IL2RG: variants seen among roughly 807,000 people sequenced by gnomAD.
IL2RG encodes the protein interleukin 2 receptor subunit gamma, also known as cytokine receptor common subunit gamma.
For missense variants in IL2RG, 205 were observed against 272.9 expected, an observed-to-expected ratio of 0.75 and a Z score of 1.75; for synonymous variants, 111 against 108.5, an observed-to-expected ratio of 1.02 and a Z score of -0.15.
Position 71,111,426 on chromosome X carries a change from A to G in IL2RG, c.114T>C (p.Ala38=), listed in dbSNP as rs767310938. The G allele has an allele frequency of 8.3e-7, 1 of 1,210,917 alleles. No homozygotes were observed. Among genetic ancestry groups the G allele is most frequent in the South Asian group, 1.8e-5 (1 of 56,947 alleles). The change falls in exon 1 of 8, where the codon GCT becomes GCC. Residue 38 remains alanine (A), a splice_region_variant and synonymous_variant. Transcript: ENST00000374202. ...LTPNGNEDTT[A]DFFLTTMPTD... ...CCCCTCCAGTCCCAGATTTCCCACCAGCTGTGGTGTCTTCATTCCCATTGG... is the reference window on the plus strand; with the variant it reads ...CCCCTCCAGTCCCAGATTTCCCACCGGCTGTGGTGTCTTCATTCCCATTGG...
At position 71,107,995 on chromosome X, in the gene IL2RG, G is replaced by A. The variant is rs1304742764; in HGVS notation, c.925-74C>T. The A allele has an allele frequency of 1.9e-5, 16 of 851,247 alleles. No homozygotes were observed. In the East Asian group the frequency reaches 3.2e-4, roughly 17 times the overall value. The allele number at this position is 851,247 out of a possible 1,213,427, so 70.2% of individuals were successfully genotyped here. A position where few individuals can be genotyped will look rare whatever the true frequency, so the allele number is the denominator to read the frequency against. ...AAAGACCGAGCTCTGTGCCAAAGGA[G>A]TACTCATGATGTCTGCAACCACTGT... On this transcript the variant is annotated intron_variant, in intron 7 of 7. Transcript: ENST00000374202.
rs141707292 is a variant in IL2RG, at chrX:71,110,236, G to T, written c.514C>A (p.Leu172Met). 1.3e-5 allele frequency: 16 copies of T among 1,207,263 alleles called. No individual in the cohort carries two copies. The highest frequency in any genetic ancestry group is 1.7e-5 in the Non-Finnish European group (15 of 892,841). The change falls in exon 4 of 8, where the codon CTG (leucine) becomes ATG (methionine). Residue 172 changes from leucine (L) to methionine (M), a missense_variant. Physicochemically the swap from Leu to Met is conservative, Grantham distance 15 (BLOSUM62 2). Transcript: ENST00000374202. ...TTCAAGAATCTGTTGTTCCAGTTCA[G>T]TTCTAGCTGGGATTCACTCAGTTTG... ...LHKLSESQLE[L>M]NWNNRFLNHC... is the part of the protein sequence containing the mutation.
rs1373609177 is a variant in IL2RG at position 71,110,625 on chromosome X, G to C, written c.333C>G (p.Ile111Met). 20 of 1,208,457 alleles carry C rather than the reference G, an allele frequency of 1.7e-5. No homozygotes were observed. The highest frequency in any genetic ancestry group is 2.2e-5 in the Non-Finnish European group (20 of 892,569). The change falls in exon 3 of 8, where the codon ATC (isoleucine) becomes ATG (methionine). Residue 111 changes from isoleucine to methionine, a missense_variant. By Grantham distance (10) the Ile-to-Met change is conservative (BLOSUM62 1). Coordinates refer to ENST00000374202, the MANE Select transcript of IL2RG (RefSeq NM_000206.3). ...KCSHYLFSEEITSGCQLQKKE... is the reference protein window; with the variant it reads ...KCSHYLFSEEMTSGCQLQKKE... ...TTTTTTGCAACTGACAGCCAGAAGT[G>C]ATTTCTTCAGAGAATAGATAGTGGC...
rs2092258005 is a variant in IL2RG, at chrX:71,109,260, T to C, written c.725A>G (p.His242Arg). 1 of 1,209,363 alleles carries C rather than the reference T, an allele frequency of 8.3e-7. No individual in the cohort carries two copies. Among genetic ancestry groups the C allele is most frequent in the African/African-American group, 1.8e-5 (1 of 57,053 alleles). The change falls in exon 5 of 8, where the codon CAC (histidine) becomes CGC (arginine). Residue 242 changes from histidine (H) to arginine (R), a missense_variant. By Grantham distance (29) the His-to-Arg change is conservative. Coordinates refer to ENST00000374202, the MANE Select transcript of IL2RG (RefSeq NM_000206.3). Reference sequence around the variant, plus strand: ...AGTATTGCTCCCCCAGTGGATTGGGTGGCTCCATTCACTCCAATGCTGAGC... The same window carrying C: ...AGTATTGCTCCCCCAGTGGATTGGGCGGCTCCATTCACTCCAATGCTGAGC... ...GSAQHWSEWS[H>R]PIHWGSNTSK...
chrX:71,107,636 G>A lies in IL2RG; in HGVS notation c.*100C>T, dbSNP rs900448763. On this transcript the variant is annotated 3_prime_UTR_variant, in exon 8 of 8. Coordinates refer to ENST00000374202, the MANE Select transcript of IL2RG (RefSeq NM_000206.3). ...CACAAAATTCCAAATCAGCCACAGT[G>A]GGGTGAGGTGAGTATGAGACGCAGG... 1.6e-5 allele frequency: 9 copies of A among 578,416 alleles called. No homozygotes were observed. The African/African-American group carries it at 2.1e-4, about 14-fold the overall frequency. The allele number at this position is 578,416 out of a possible 1,213,427, so 47.7% of individuals were successfully genotyped here.
chrX:71,108,058 C>T, intron 7 of IL2RG, 137 bp from the exon 8 acceptor site: 1 of 551,851 alleles, frequency 1.8e-6, no homozygotes. Context: ...TCCTGGGCCC[C>T]CAATACCAGT....
At chrX:71,109,709 C>T (rs756675900) in intron 4 of IL2RG, among the ~76,000 whole-genome samples, 72 of 110,698 alleles carry the variant, frequency 6.5e-4, no homozygotes, top group Non-Finnish European at 1.2e-3. Context: ...CCGAGGTGGG[C>T]AGATCACCTG....
rs756100347 is a variant in IL2RG, at chrX:71,110,965, G to A, written c.201C>T (p.Val67=). Residue 67 remains valine, a synonymous_variant, in exon 2 of 8, where the codon GTC becomes GTT. Coordinates refer to ENST00000374202, the MANE Select transcript of IL2RG (RefSeq NM_000206.3). ...LPEVQCFVFN[V]EYMNCTWNSS... is the part of the protein sequence containing the mutation. ...TGTTCCAAGTGCAATTCATGTACTC[G>A]ACATTGAACACAAAACACTGAACCT... is the stretch of plus-strand genomic sequence containing the variant. 32 of 1,206,102 alleles carry A rather than the reference G, an allele frequency of 2.7e-5. No homozygotes were observed. The highest frequency in any genetic ancestry group is 2.3e-4 in the Middle Eastern group (1 of 4,366).
chrX:71,107,650 A>G lies in IL2RG; in HGVS notation c.*86T>C, dbSNP rs759837290. ...TCAGCCACAGTGGGGTGAGGTGAGTATGAGACGCAGGTGGGTTGAATGAAG... is the reference window on the plus strand; with the variant it reads ...TCAGCCACAGTGGGGTGAGGTGAGTGTGAGACGCAGGTGGGTTGAATGAAG... On this transcript the variant is annotated 3_prime_UTR_variant, in exon 8 of 8. Transcript: ENST00000374202. The G allele has an allele frequency of 3.3e-5, 24 of 722,644 alleles. No individual in the cohort carries two copies. The highest frequency in any genetic ancestry group is 4.4e-5 in the Non-Finnish European group (23 of 518,599). 59.6% of individuals were successfully genotyped at this position (722,644 alleles called of 1,213,427 possible). A position where few individuals can be genotyped will look rare whatever the true frequency, so the allele number is the denominator to read the frequency against.
chrX:71,110,838 CTT>C lies in IL2RG; in HGVS notation c.269+57_269+58del, dbSNP rs748299074. 7.7e-6 allele frequency: 9 copies of C among 1,168,776 alleles called. No individual in the cohort carries two copies. The African/African-American group carries it at 1.6e-4, about 21-fold the overall frequency. On this transcript the variant is annotated intron_variant, in intron 2 of 7. Transcript: ENST00000374202. The stretch of plus-strand genomic sequence containing the variant: ...ACCTGGGAGACTTGCTACCCTCTCT[CTT>C]GGTCTCTGATCCAACCCACCTCTTC...
intron 5 of IL2RG, 72 bp from the exon 6 acceptor site, chrX:71,108,767 A>T: frequency 7.4e-6 from 5 of 673,689 alleles, no homozygotes; most frequent in Non-Finnish European, 1.2e-5. Flanking sequence ...CACTGGTGCC[A>T]GGCACCGCGC....
At chrX:71,109,685 A>G (rs1041352779) in intron 4 of IL2RG, among the ~76,000 whole-genome samples, 1 of 111,477 alleles carries the variant, frequency 9.0e-6, no homozygotes, top group Non-Finnish European at 1.9e-5. Flanking sequence ...CTGTAATCCC[A>G]GCACTTTGGG....
chrX:71,111,368 C>G, intron 1 of IL2RG, 57 bp downstream of exon 1: 4 of 1,188,210 alleles, frequency 3.4e-6, no homozygotes, highest in Non-Finnish European at 3.4e-6. Context: ...GATCTCTGTA[C>G]GGCCCCTTCC....
intron 1 of IL2RG, 69 bp downstream of exon 1, chrX:71,111,356 C>T (rs1371543192): frequency 4.3e-6 from 5 of 1,174,101 alleles, no homozygotes; most frequent in Non-Finnish European, 5.7e-6. Context: ...TGGCAGGCAC[C>T]AGATCTCTGT....
At chrX:71,109,116 A>G (rs2092257779) in intron 5 of IL2RG, 112 bp downstream of exon 5, 2 of 753,638 alleles carry the variant, frequency 2.7e-6, no homozygotes, top group Non-Finnish European at 4.1e-6. Context: ...GTGTGGAGAG[A>G]TGGGGCACCA....
In IL2RG at chrX:71,108,458, C is replaced by T. The variant is rs765728567; in HGVS notation, c.855-112G>A. On this transcript the variant is annotated intron_variant, in intron 6 of 7. Transcript: ENST00000374202. ...GATTCTGTGTTCTCTGTGCCTGTGG[C>T]TTCCTTCCATCACCAAACCCTCTTG... The T allele has an allele frequency of 1.8e-3, 1,290 of 697,727 alleles. 1 individual carries two copies. Among genetic ancestry groups the T allele is most frequent in the Middle Eastern group, 8.4e-3 (27 of 3,233 alleles). 57.5% of individuals were successfully genotyped at this position (697,727 alleles called of 1,213,427 possible). A position where few individuals can be genotyped will look rare whatever the true frequency, so the allele number is the denominator to read the frequency against.
At position 71,109,231 on chromosome X, in the gene IL2RG, T is replaced by C. The variant is rs765748584; in HGVS notation, c.754A>G (p.Lys252Glu). The change falls in exon 5 of 8, where the codon AAA (lysine) becomes GAA (glutamate). Residue 252 changes from lysine to glutamate, a missense_variant. Lys to Glu is a moderately conservative substitution (Grantham distance 56). Transcript: ENST00000374202. ...HPIHWGSNTS[K>E]ENPFLFALEA... ...GGGTCATGTGGGCCCATTTTACCTT[T>C]TGAAGTATTGCTCCCCCAGTGGATT... 4.9e-5 allele frequency: 59 copies of C among 1,209,072 alleles called. No homozygotes were observed. In the East Asian group the frequency reaches 1.5e-3, roughly 32 times the overall value.
At chrX:71,110,428 G>A in intron 3 of IL2RG, 76 bp downstream of exon 3, 2 of 1,126,246 alleles carry the variant, frequency 1.8e-6, no homozygotes, top group Admixed American at 4.4e-5. Flanking sequence ...GTACCCTTAT[G>A]ATAAAAGAAC....
chrX:71,107,683 A>T lies in IL2RG; in HGVS notation c.*53T>A. 1.0e-6 allele frequency: 1 copy of T among 967,499 alleles called. No homozygotes were observed. The highest frequency in any genetic ancestry group is 1.4e-6 in the Non-Finnish European group (1 of 725,549). 79.7% of individuals were successfully genotyped at this position (967,499 alleles called of 1,213,427 possible). ...CAGGTGGGTTGAATGAAGGAAAGTT[A>T]GTACCACTTAGGGCTACAGGACCCT... On this transcript the variant is annotated 3_prime_UTR_variant, in exon 8 of 8. Coordinates refer to ENST00000374202, the MANE Select transcript of IL2RG (RefSeq NM_000206.3).
Sources: allele counts gnomAD v4.1 joint callset (sites outside exome capture counted in the v4.1 genomes callset), GRCh38; gene constraint gnomAD v4.1.1; transcripts MANE v1.5; gene names NCBI Gene and HGNC (gene_info 2026-07-23, HGNC 2026-07-21).